Variants in IQCH observed in about 807,000 individuals in gnomAD.
IQCH encodes the protein IQ domain-containing protein H.
IQCH carries 98 observed loss-of-function variants against 117.0 expected under a neutral mutation model. The observed-to-expected ratio is 0.84, with a 90% CI of 0.71 to 0.99. The LOEUF (loss-of-function observed/expected upper bound fraction) is 0.99. Among genes scored for constraint, IQCH ranks in the 50% least tolerant of loss-of-function variants. The pLI, the probability that IQCH is intolerant of heterozygous loss-of-function variation, is 0.00. For missense variants in IQCH, 1,102 were observed against 1,243.8 expected (o/e 0.89, Z 1.72); for synonymous variants, 412 against 448.2 (o/e 0.92, Z 1.02).
chr15:67,288,688 C>A (rs968390225), intron 4 of IQCH, among the ~76,000 whole-genome samples: 3 of 152,054 alleles, frequency 2.0e-5, no homozygotes, highest in Admixed American at 6.6e-5. Flanking sequence ...CTTGTTTTTG[C>A]ATCCATCCAG....
chr15:67,298,420 G>T (rs74631573), intron 4 of IQCH, among the ~76,000 whole-genome samples: 5,985 of 152,052 alleles, frequency 0.039, 216 homozygotes, highest in South Asian at 0.18. Flanking sequence ...ACTACAATGA[G>T]ATATCATCTG....
intron 4 of IQCH, among the ~76,000 whole-genome samples, chr15:67,331,673 G>A (rs1968672704): frequency 6.6e-6 from 1 of 152,122 alleles, no homozygotes; most frequent in African/African-American, 2.4e-5. Flanking sequence ...CAGTCCACAA[G>A]TGAGAAGTCC....
intron 4 of IQCH, among the ~76,000 whole-genome samples, chr15:67,324,714 T>C (rs1411032552): frequency 1.3e-5 from 2 of 152,144 alleles, no homozygotes; most frequent in Non-Finnish European, 2.9e-5. Context: ...TTTTTGTTTT[T>C]TGTTTTTTCC....
In IQCH at chr15:67,388,283, A is replaced by T. The variant is rs1324417892; in HGVS notation, c.1457-548A>T. Among the ~76,000 whole-genome samples, 1 of 152,110 alleles carries T rather than the reference A, an allele frequency of 6.6e-6. No individual in the cohort carries two copies. Among genetic ancestry groups the T allele is most frequent in the African/African-American group, 2.4e-5 (1 of 41,418 alleles). ...ACTAGACCTGCTATTTAAGTAATGT[A>T]CTCCTCTTTGGGAATCAAGCAAGGG... On this transcript the variant is annotated intron_variant, in intron 11 of 20. Transcript: ENST00000335894. The surrounding 1 kb of genome is among the most constrained non-coding windows in gnomAD (Gnocchi z 5.5).
chr15:67,289,336 T>C (rs997861873), intron 4 of IQCH, among the ~76,000 whole-genome samples: 2 of 152,104 alleles, frequency 1.3e-5, no homozygotes, highest in Admixed American at 6.6e-5. Context: ...TCAACCAATT[T>C]GTGGTAATCC....
intron 16 of IQCH, among the ~76,000 whole-genome samples, chr15:67,460,615 A>G (rs573938586): frequency 3.3e-5 from 5 of 152,176 alleles, no homozygotes; most frequent in Non-Finnish European, 7.3e-5. Context: ...ACCTTAATAT[A>G]AATCTCTCTA....
At chr15:67,270,665 A>G (rs1965860764) in intron 3 of IQCH, among the ~76,000 whole-genome samples, 1 of 152,102 alleles carries the variant, frequency 6.6e-6, no homozygotes, top group Admixed American at 6.5e-5. Flanking sequence ...TGTGATCTCT[A>G]TGTCCTGGCT....
rs898924031 is a variant in IQCH, at chr15:67,406,789, C to G, written c.2097+6484C>G. 6.6e-6 allele frequency: 1 copy of G among 152,154 alleles called. No homozygotes were observed. Among genetic ancestry groups the G allele is most frequent in the Non-Finnish European group, 1.5e-5 (1 of 68,044 alleles). 9.4% of individuals were successfully genotyped at this position (152,154 alleles called of 1,614,324 possible). ...TTCAGCTCTCCAAGTCTCCCTTTCTCTATCTGTAAAGAGAGATTAGTACCT... is the reference window on the plus strand; with the variant it reads ...TTCAGCTCTCCAAGTCTCCCTTTCTGTATCTGTAAAGAGAGATTAGTACCT... On this transcript the variant is annotated intron_variant, in intron 14 of 20. Coordinates refer to ENST00000335894, the MANE Select transcript of IQCH (RefSeq NM_001031715.3). This position sits in a 1 kb window ranked among gnomAD's most constrained non-coding sequence, Gnocchi z 4.5.
intron 16 of IQCH, among the ~76,000 whole-genome samples, chr15:67,428,741 C>T (rs1027902769): frequency 6.6e-6 from 1 of 151,634 alleles, no homozygotes; most frequent in Non-Finnish European, 1.5e-5. Flanking sequence ...CCCAGCTACT[C>T]AGGAGGCTGA....
intron 18 of IQCH, among the ~76,000 whole-genome samples, chr15:67,486,659 T>C (rs2083489189): frequency 1.3e-5 from 2 of 152,176 alleles, no homozygotes; most frequent in African/African-American, 2.4e-5. Flanking sequence ...CACTGTCCAA[T>C]AGAAATATAA....
chr15:67,310,365 G>C (rs552940014), intron 4 of IQCH, among the ~76,000 whole-genome samples: 17 of 152,124 alleles, frequency 1.1e-4, no homozygotes, highest in Admixed American at 7.9e-4. Flanking sequence ...ATTAGATAGG[G>C]TGTAGCTTTG....
chr15:67,457,028 A>T lies in IQCH; in HGVS notation c.2506-8099A>T, dbSNP rs959205437. ...GGGAAGGCCTCTAAGCTGAAAACCA[A>T]GAGGCTCAATTGCTGACCGGGGTGA... On this transcript the variant is annotated intron_variant, in intron 16 of 20. Coordinates refer to ENST00000335894, the MANE Select transcript of IQCH (RefSeq NM_001031715.3). This position sits in a 1 kb window ranked among gnomAD's most constrained non-coding sequence, Gnocchi z 5.7. Among the ~76,000 whole-genome samples the T allele has an allele frequency of 1.3e-5, 2 of 152,194 alleles. No individual in the cohort carries two copies. Among genetic ancestry groups the T allele is most frequent in the African/African-American group, 4.8e-5 (2 of 41,452 alleles).
In IQCH at chr15:67,395,591, G is replaced by A; in HGVS notation, c.1905+28G>A. The stretch of plus-strand genomic sequence containing the variant: ...ATGTGGGGTGGACAAGTGAAGCTCT[G>A]TTCAAATATTTGAAACATCCTCTTG... On this transcript the variant is annotated intron_variant, in intron 13 of 20. Transcript: ENST00000335894. This position sits in a 1 kb window ranked among gnomAD's most constrained non-coding sequence, Gnocchi z 4.0. 6.2e-7 allele frequency: 1 copy of A among 1,600,074 alleles called. No individual in the cohort carries two copies. Among genetic ancestry groups the A allele is most frequent in the Non-Finnish European group, 8.5e-7 (1 of 1,170,684 alleles).
intron 1 of IQCH, among the ~76,000 whole-genome samples, chr15:67,258,612 A>G (rs773073241): frequency 6.6e-6 from 1 of 152,180 alleles, no homozygotes; most frequent in Non-Finnish European, 1.5e-5. Context: ...GATGAAGAAA[A>G]TGGAATTTTA....
rs927487759 is a variant in IQCH at position 67,393,794 on chromosome 15, G to C, written c.1633-1497G>C. ...CCTCCCCTAAAGTACTGGGATTACA[G>C]GTATGAGCCACGGTGCCTAGCCTGA... On this transcript the variant is annotated intron_variant, in intron 12 of 20. Coordinates refer to ENST00000335894, the MANE Select transcript of IQCH (RefSeq NM_001031715.3). This position sits in a 1 kb window ranked among gnomAD's most constrained non-coding sequence, Gnocchi z 5.5. Among the ~76,000 whole-genome samples the C allele has an allele frequency of 2.6e-5, 4 of 152,102 alleles. No homozygotes were observed. Among genetic ancestry groups the C allele is most frequent in the Admixed American group, 2.6e-4 (4 of 15,270 alleles).
chr15:67,294,115 A>C (rs1966839821), intron 4 of IQCH, among the ~76,000 whole-genome samples: 1 of 152,146 alleles, frequency 6.6e-6, no homozygotes, highest in African/African-American at 2.4e-5. Flanking sequence ...TCATCTTGAA[A>C]ATCTTTTTCA....
chr15:67,307,165 G>T, intron 4 of IQCH: 1 of 1,005,674 alleles, frequency 9.9e-7, no homozygotes, highest in South Asian at 4.2e-5. Flanking sequence ...AGTTGCTGTA[G>T]AATTATACCA....
rs983689595 is a variant in IQCH at position 67,421,348 on chromosome 15, T to A, written c.2276T>A (p.Met759Lys). The A allele has an allele frequency of 1.9e-6, 3 of 1,614,026 alleles. No individual in the cohort carries two copies. Among genetic ancestry groups the A allele is most frequent in the East Asian group, 4.5e-5 (2 of 44,886 alleles). The change falls in exon 16 of 21, where the codon ATG becomes AAG. Residue 759 changes from methionine to lysine, a missense_variant. By Grantham distance (95) the Met-to-Lys change is moderately conservative. Transcript: ENST00000335894. ...AATGTCACCAACCTCACAGTGGACATGCTGATAGAGCCCAACGGGAAAATC... is the reference window on the plus strand; with the variant it reads ...AATGTCACCAACCTCACAGTGGACAAGCTGATAGAGCCCAACGGGAAAATC... ...ADNVTNLTVD[M>K]LIEPNGKISV...
intron 4 of IQCH, among the ~76,000 whole-genome samples, chr15:67,323,945 T>C (rs1161073904): frequency 2.9e-5 from 4 of 140,108 alleles, no homozygotes; most frequent in African/African-American, 5.3e-5. Context: ...ATTTCTTTTT[T>C]TTTTTTTTTT....
Sources: gnomAD v4.1 joint callset for allele counts (sites outside exome capture counted in the v4.1 genomes callset) on GRCh38, gnomAD v4.1.1 for gene constraint, Gnocchi (gnomAD v3.1) non-coding constraint, MANE v1.5 for transcripts, NCBI Gene and HGNC (gene_info 2026-07-23, HGNC 2026-07-21) for gene names.